The following KIAA1671 variants were observed in gnomAD, a reference collection of about 807,000 sequenced individuals.
KIAA1671 encodes KIAA1671.
A neutral mutation model predicts 131.2 loss-of-function variants in KIAA1671; 52 were observed. The ratio of observed to expected loss-of-function variants is 0.40; its 90% confidence interval spans 0.32 to 0.50. The LOEUF (loss-of-function observed/expected upper bound fraction) is 0.50, where lower values mean the gene tolerates loss of function less well. Ranked by LOEUF, KIAA1671 falls within the 20% of genes least tolerant of loss-of-function variation. KIAA1671 has a pLI of 0.73. For missense variants in KIAA1671, 2,360 were observed against 2,364.2 expected (o/e 1.00, Z 0.04); for synonymous variants, 1,003 against 961.6 (o/e 1.04, Z -0.80).
At chr22:24,972,732 C>T (rs1922690942) in intron 1 of KIAA1671, among the ~76,000 whole-genome samples, 1 of 151,880 alleles carries the variant, frequency 6.6e-6, no homozygotes, top group Non-Finnish European at 1.5e-5. Context: ...TGTTAAGTAC[C>T]TACTCTGTGC....
chr22:25,148,955 C>G (rs1568980207), intron 6 of KIAA1671, among the ~76,000 whole-genome samples: 2 of 152,206 alleles, frequency 1.3e-5, no homozygotes, highest in Admixed American at 1.3e-4. Flanking sequence ...ACCAAGAGTT[C>G]TGAAAAGAGC....
chr22:25,093,727 ACACACACACACTCTCTCTCTCTCTCT>A (rs1930151894), intron 6 of KIAA1671, among the ~76,000 whole-genome samples: 1 of 61,282 alleles, frequency 1.6e-5, no homozygotes, highest in Non-Finnish European at 3.0e-5. Flanking sequence ...ACACACACAC[ACACACACACACTCTCTCTCTCTCTCT>A]CTCTCTCTCT....
At chr22:25,002,800 G>C (rs1202041757) in intron 1 of KIAA1671, among the ~76,000 whole-genome samples, 1 of 150,758 alleles carries the variant, frequency 6.6e-6, no homozygotes. Context: ...TTTTTTTAAA[G>C]ACAGGATCTC....
At chr22:25,172,530 A>G (rs1430372058) in intron 7 of KIAA1671, among the ~76,000 whole-genome samples, 3 of 152,200 alleles carry the variant, frequency 2.0e-5, no homozygotes, top group South Asian at 2.1e-4. Context: ...CACCTGTGGA[A>G]AGTTCTGCTC....
At chr22:24,966,500 C>G (rs1922314448) in intron 1 of KIAA1671, among the ~76,000 whole-genome samples, 1 of 152,188 alleles carries the variant, frequency 6.6e-6, no homozygotes. Flanking sequence ...GCCCTTTGGC[C>G]TGGGAAGCTG....
At chr22:25,173,168 GCTCA>G (rs369600251) in intron 7 of KIAA1671, among the ~76,000 whole-genome samples, 9 of 152,258 alleles carry the variant, frequency 5.9e-5, no homozygotes, top group African/African-American at 1.9e-4. Flanking sequence ...TCTTGTGAGA[GCTCA>G]CTCACTATCA....
At chr22:25,158,641 C>T (rs1234139222) in intron 6 of KIAA1671, among the ~76,000 whole-genome samples, 2 of 152,130 alleles carry the variant, frequency 1.3e-5, no homozygotes, top group Non-Finnish European at 2.9e-5. Flanking sequence ...GGTAAAACTG[C>T]AGTGGGCGTT....
At position 25,009,253 on chromosome 22, in the gene KIAA1671, CTTTTTTTTT is replaced by C. The variant is rs35147267; in HGVS notation, c.-207-16359_-207-16351del. ...ATTTCTTGGCACTCTCCCTTCCCCA[CTTTTTTTTT>C]TTTTTTTTTTTTTTTTTTTTAAGAC... On this transcript the variant is annotated intron_variant, in intron 1 of 12. Coordinates refer to ENST00000358431, the MANE Select transcript of KIAA1671 (RefSeq NM_001145206.2). 5.8e-3 allele frequency among the ~76,000 whole-genome samples: 362 copies of C among 62,796 alleles called. 4 individuals carry two copies. Among genetic ancestry groups the C allele is most frequent in the African/African-American group, 0.021 (333 of 16,040 alleles). The allele number at this position is 62,796 out of a possible 152,430, so 41.2% of individuals were successfully genotyped here. A position where few individuals can be genotyped will look rare whatever the true frequency, so the allele number is the denominator to read the frequency against.
intron 1 of KIAA1671, chr22:25,023,265 G>A (rs1925771306): frequency 6.6e-6 from 1 of 152,178 alleles, no homozygotes; most frequent in Non-Finnish European, 1.5e-5. Flanking sequence ...CTTCACGGAG[G>A]TTAAGGCACG....
At chr22:25,063,670 A>G (rs1303180871) in intron 6 of KIAA1671, 6 of 151,924 alleles carry the variant, frequency 3.9e-5, no homozygotes, top group Non-Finnish European at 5.9e-5. Context: ...GAATTCACCC[A>G]TGTAACCAAA....
At chr22:25,065,385 C>CACTGA (rs1928411939) in intron 6 of KIAA1671, 1 of 152,148 alleles carries the variant, frequency 6.6e-6, no homozygotes, top group African/African-American at 2.4e-5. Context: ...GGAGGAATGT[C>CACTGA]ACTGAGCCAT....
intron 6 of KIAA1671, chr22:25,109,890 G>A: frequency 6.6e-6 from 1 of 152,192 alleles, no homozygotes; most frequent in East Asian, 1.9e-4. Context: ...GGCTGAGGCA[G>A]GTGGATCGCT....
Position 25,120,570 on chromosome 22 carries a change from G to C in KIAA1671, c.4531-50250G>C, listed in dbSNP as rs73401812. Among the ~76,000 whole-genome samples the C allele has an allele frequency of 1.3e-3, 198 of 152,270 alleles. 1 individual carries two copies. Among genetic ancestry groups the C allele is most frequent in the African/African-American group, 4.6e-3 (193 of 41,562 alleles). Reference sequence around the variant, plus strand: ...TTAAGTAATGTTAATCTCCTTTCCTGTCTCCCCAACCAACAAAATACGGTG... The same window carrying C: ...TTAAGTAATGTTAATCTCCTTTCCTCTCTCCCCAACCAACAAAATACGGTG... On this transcript the variant is annotated intron_variant, in intron 6 of 12. Coordinates refer to ENST00000358431, the MANE Select transcript of KIAA1671 (RefSeq NM_001145206.2).
chr22:24,958,856 C>G (rs937138886), intron 1 of KIAA1671, among the ~76,000 whole-genome samples: 5 of 151,580 alleles, frequency 3.3e-5, no homozygotes, highest in Admixed American at 1.3e-4. Flanking sequence ...GTGGCACATG[C>G]CTGTAATCCC....
At chr22:24,953,842 C>G (rs1477761425) in intron 1 of KIAA1671, among the ~76,000 whole-genome samples, 5 of 152,174 alleles carry the variant, frequency 3.3e-5, no homozygotes, top group South Asian at 4.1e-4. Context: ...CAGCCATTAT[C>G]TTTTGGAAGG....
intron 6 of KIAA1671, among the ~76,000 whole-genome samples, chr22:25,169,915 T>C (rs1411907654): frequency 6.6e-6 from 1 of 152,040 alleles, no homozygotes; most frequent in Non-Finnish European, 1.5e-5. Flanking sequence ...ATTTGGGGCG[T>C]GTAATTTCAT....
At chr22:24,998,237 C>CA (rs1924244288) in intron 1 of KIAA1671, among the ~76,000 whole-genome samples, 1 of 151,688 alleles carries the variant, frequency 6.6e-6, no homozygotes, top group South Asian at 2.1e-4. Flanking sequence ...CCCATCTCTA[C>CA]AAAAAAATAA....
intron 1 of KIAA1671, among the ~76,000 whole-genome samples, chr22:25,001,884 T>C (rs1602057925): frequency 6.6e-6 from 1 of 152,132 alleles, no homozygotes; most frequent in Admixed American, 6.6e-5. Context: ...AAGCAATTTC[T>C]ACATTATGTA....
At chr22:25,083,746 A>G (rs1471402749) in intron 6 of KIAA1671, among the ~76,000 whole-genome samples, 1 of 152,184 alleles carries the variant, frequency 6.6e-6, no homozygotes, top group African/African-American at 2.4e-5. Flanking sequence ...CTCATGCCTC[A>G]TTTTACTCTG....
Sources: allele counts gnomAD v4.1 joint callset (sites outside exome capture counted in the v4.1 genomes callset), GRCh38; gene constraint gnomAD v4.1.1; transcripts MANE v1.5; gene names NCBI Gene and HGNC (gene_info 2026-07-23, HGNC 2026-07-21).